Variants in SYTL3 observed in about 807,000 individuals in gnomAD.
SYTL3 encodes the protein synaptotagmin like 3.
A neutral mutation model predicts 82.1 loss-of-function variants in SYTL3; 88 were observed. The ratio of observed to expected loss-of-function variants is 1.07; its 90% CI spans 0.90 to 1.28. The LOEUF (loss-of-function observed/expected upper bound fraction) is 1.28. Ranked by LOEUF, SYTL3 falls within the 50% of genes most tolerant of loss-of-function variation. The pLI, the probability that SYTL3 is intolerant of heterozygous loss-of-function variation, is 0.00. For synonymous variants in SYTL3, 311 were observed against 289.4 expected (o/e 1.07, Z -0.76); for missense variants, 831 against 757.6 (o/e 1.10, Z -1.14).
At chr6:158,654,805 G>C (rs557028677) in intron 2 of SYTL3, among the ~76,000 whole-genome samples, 168 of 152,310 alleles carry the variant, frequency 1.1e-3, no homozygotes, top group African/African-American at 4.0e-3. Context: ...ACAGAGACAG[G>C]ATGGCTGAGT....
Position 158,713,874 on chromosome 6 carries a change from GA to G in SYTL3, c.595del (p.Lys199SerfsTer9). ...NLFLSLATHVKKLSKSQNDMT... is the reference protein window; with the variant it reads ...NLFLSLATHVXKLSKSQNDMT... ...TGTTTCTGTCTCTTGCTACCCACGT[GA>G]AAAGTAAGTGCATGCTTCATGATGT... is the stretch of plus-strand genomic sequence containing the variant. On this transcript the variant is annotated frameshift_variant, in exon 9 of 18. Coordinates refer to ENST00000611299, the MANE Select transcript of SYTL3 (RefSeq NM_001242394.2). LOFTEE classifies it high-confidence loss of function. 1.3e-6 allele frequency: 2 copies of G among 1,549,400 alleles called. No individual in the cohort carries two copies. Among genetic ancestry groups the G allele is most frequent in the Non-Finnish European group, 1.7e-6 (2 of 1,145,610 alleles).
At chr6:158,731,538 C>G (rs1016374488) in intron 11 of SYTL3, among the ~76,000 whole-genome samples, 1 of 151,944 alleles carries the variant, frequency 6.6e-6, no homozygotes, top group Non-Finnish European at 1.5e-5. Flanking sequence ...GGCCATTGTT[C>G]CAAAGTTATC....
chr6:158,669,183 AT>A (rs1402833501), intron 5 of SYTL3, among the ~76,000 whole-genome samples: 2 of 152,242 alleles, frequency 1.3e-5, no homozygotes, highest in African/African-American at 4.8e-5. Flanking sequence ...CATCAAAAAA[AT>A]AAGATTAACC....
chr6:158,755,328 G>T (rs1788926314), intron 13 of SYTL3, among the ~76,000 whole-genome samples: 1 of 152,172 alleles, frequency 6.6e-6, no homozygotes, highest in South Asian at 2.1e-4. Context: ...AGGTGACAGA[G>T]TGAGATCCTG....
At chr6:158,685,942 G>A (rs1050825354) in intron 6 of SYTL3, among the ~76,000 whole-genome samples, 2 of 152,238 alleles carry the variant, frequency 1.3e-5, no homozygotes, top group Non-Finnish European at 2.9e-5. Flanking sequence ...TGTAGGAGGT[G>A]AAGTTTGTCA....
intron 6 of SYTL3, among the ~76,000 whole-genome samples, chr6:158,695,229 C>T (rs896390091): frequency 2.0e-5 from 3 of 152,148 alleles, no homozygotes; most frequent in African/African-American, 7.2e-5. Flanking sequence ...AGTTTGCTGA[C>T]CTCTACTCTA....
intron 11 of SYTL3, among the ~76,000 whole-genome samples, chr6:158,737,596 A>G (rs755126707): frequency 6.6e-6 from 1 of 152,150 alleles, no homozygotes; most frequent in Non-Finnish European, 1.5e-5. Context: ...CAATGGCTTT[A>G]ATAAAAGTCA....
intron 11 of SYTL3, among the ~76,000 whole-genome samples, chr6:158,727,689 C>CTTTTTTTTTTTTTTTTTTTT (rs55657606): frequency 4.7e-5 from 5 of 106,710 alleles, no homozygotes; most frequent in Admixed American, 9.1e-5. Context: ...TCCAAGTACT[C>CTTTTTTTTTTTTTTTTTTTT]TTTTTTTTTT....
chr6:158,663,216 T>C lies in SYTL3; in HGVS notation c.-53T>C. 2 of 1,557,974 alleles carry C rather than the reference T, an allele frequency of 1.3e-6. No individual in the cohort carries two copies. Among genetic ancestry groups the C allele is most frequent in the Non-Finnish European group, 1.8e-6 (2 of 1,130,054 alleles). On this transcript the variant is annotated 5_prime_UTR_variant, in exon 4 of 18. Transcript: ENST00000611299. ...CCGCTCATCTGCAGGGCGTGAGCGC[T>C]TGGTCCATGCAGTGAAGCTCTTCCA...
At chr6:158,681,898 C>G (rs1176226052) in intron 5 of SYTL3, among the ~76,000 whole-genome samples, 2 of 152,368 alleles carry the variant, frequency 1.3e-5, no homozygotes, top group Admixed American at 1.3e-4. Flanking sequence ...TAGCCCATCA[C>G]TTGTGCCAAG....
intron 5 of SYTL3, among the ~76,000 whole-genome samples, chr6:158,673,482 C>T (rs1041849814): frequency 6.6e-6 from 1 of 150,600 alleles, no homozygotes; most frequent in Non-Finnish European, 1.5e-5. Context: ...CTCTGTTGCC[C>T]AGGCTAGAGT....
chr6:158,675,119 G>A (rs1054449053), intron 5 of SYTL3, among the ~76,000 whole-genome samples: 1 of 152,136 alleles, frequency 6.6e-6, no homozygotes, highest in Non-Finnish European at 1.5e-5. Flanking sequence ...CTGCTACAAG[G>A]CTACACCTAT....
intron 11 of SYTL3, among the ~76,000 whole-genome samples, chr6:158,732,895 TTTC>T (rs766176847): frequency 3.3e-5 from 5 of 151,982 alleles, no homozygotes; most frequent in African/African-American, 7.3e-5. Flanking sequence ...AAAAAAACTC[TTTC>T]TTTTAAAAAC....
intron 6 of SYTL3, among the ~76,000 whole-genome samples, chr6:158,693,850 C>CTTTT (rs1357595960): frequency 0.016 from 937 of 58,318 alleles, 46 homozygotes; most frequent in African/African-American, 0.057. Context: ...CTTTCTTTTT[C>CTTTT]TTTTCTTTTT....
At chr6:158,739,487 A>G (rs1456695600) in intron 11 of SYTL3, among the ~76,000 whole-genome samples, 1 of 152,114 alleles carries the variant, frequency 6.6e-6, no homozygotes, top group African/African-American at 2.4e-5. Context: ...TATCTCTTCA[A>G]ATATAGCTTC....
chr6:158,666,221 T>G (rs1790036315), intron 5 of SYTL3, among the ~76,000 whole-genome samples: 2 of 152,238 alleles, frequency 1.3e-5, no homozygotes, highest in African/African-American at 4.8e-5. Context: ...TGGAGTAAAT[T>G]ATAATCTAGG....
chr6:158,760,614 C>G, intron 14 of SYTL3, 26 bp from the exon 15 acceptor site: 2 of 1,599,372 alleles, frequency 1.3e-6, no homozygotes, highest in Non-Finnish European at 8.6e-7. Flanking sequence ...GGAATCCTGT[C>G]CCTAAGCTCT....
chr6:158,684,694 C>T (rs1779097995), intron 6 of SYTL3, among the ~76,000 whole-genome samples: 2 of 151,832 alleles, frequency 1.3e-5, no homozygotes, highest in East Asian at 3.9e-4. Context: ...AGTTTGTTGG[C>T]AGTAAAGGAA....
At chr6:158,650,190 A>G (rs1218384335) in intron 1 of SYTL3, 112 bp downstream of exon 1, 1 of 152,178 alleles carries the variant, frequency 6.6e-6, no homozygotes, top group African/African-American at 2.4e-5. Context: ...TGACATTGAA[A>G]AGGTAGGAAA....
Sources: gnomAD v4.1 joint callset for allele counts (sites outside exome capture counted in the v4.1 genomes callset) on GRCh38, gnomAD v4.1.1 for gene constraint, MANE v1.5 for transcripts, NCBI Gene and HGNC (gene_info 2026-07-23, HGNC 2026-07-21) for gene names.